Variants in CSMD1 observed in about 807,000 individuals in gnomAD.
The protein encoded by CSMD1 is CUB and sushi domain-containing protein 1.
In CSMD1, 213 loss-of-function variants were observed where a neutral mutation model predicts 417.5. The ratio of observed to expected loss-of-function variants is 0.51; its 90% CI spans 0.46 to 0.57. CSMD1 has a LOEUF of 0.57. Among genes scored for constraint, CSMD1 ranks in the 20% least tolerant of loss-of-function variants. The pLI is 0.00. For missense variants in CSMD1, 6,923 were observed against 4,529.7 expected, an observed-to-expected ratio of 1.53 and a Z score of -15.17; for synonymous variants, 2,862 against 1,736.8, an observed-to-expected ratio of 1.65 and a Z score of -16.11.
Position 3,648,558 on chromosome 8 carries a change from C to T in CSMD1, c.1010-31761G>A, listed in dbSNP as rs555451127. ...TTACTTTTTCTTTGATTTCAGAGCA[C>T]AGAAAATTGTTTTGGAACTTTGTTT... On this transcript the variant is annotated intron_variant, in intron 7 of 69. Coordinates refer to ENST00000635120, the MANE Select transcript of CSMD1 (RefSeq NM_033225.6). 1.8e-4 allele frequency among the ~76,000 whole-genome samples: 27 copies of T among 152,270 alleles called. No homozygotes were observed. The South Asian group carries it at 3.5e-3, about 20-fold the overall frequency.
At chr8:4,025,560 A>G (rs755872759) in intron 4 of CSMD1, among the ~76,000 whole-genome samples, 22 of 152,188 alleles carry the variant, frequency 1.4e-4, no homozygotes, top group African/African-American at 1.7e-4. Flanking sequence ...TCTCCCCTAG[A>G]CAGACATCAT....
chr8:4,389,058 A>G lies in CSMD1; in HGVS notation c.415+30895T>C, dbSNP rs542378860. Among the ~76,000 whole-genome samples, 99 of 152,170 alleles carry G rather than the reference A, an allele frequency of 6.5e-4. 1 individual carries two copies. Among genetic ancestry groups the G allele is most frequent in the African/African-American group, 2.1e-3 (89 of 41,492 alleles). On this transcript the variant is annotated intron_variant, in intron 3 of 69. Coordinates refer to ENST00000635120, the MANE Select transcript of CSMD1 (RefSeq NM_033225.6). ...TGCAGTTAGTCTGGTCTTATTTTAC[A>G]TTTGCTTTTCTCTTACTCTACATTA...
intron 3 of CSMD1, among the ~76,000 whole-genome samples, chr8:4,184,930 G>A (rs1043636453): frequency 1.3e-5 from 2 of 150,446 alleles, no homozygotes; most frequent in Non-Finnish European, 2.9e-5. Flanking sequence ...CTGAGGTCAG[G>A]AGTTCAAGAC....
At chr8:4,164,776 G>T (rs982320376) in intron 3 of CSMD1, among the ~76,000 whole-genome samples, 4 of 151,868 alleles carry the variant, frequency 2.6e-5, no homozygotes, top group Admixed American at 6.6e-5. Flanking sequence ...CCTGGGAGGC[G>T]GAGGCAGGAG....
intron 6 of CSMD1, among the ~76,000 whole-genome samples, chr8:3,710,966 G>A (rs1016575049): frequency 8.5e-5 from 13 of 152,226 alleles, no homozygotes; most frequent in African/African-American, 1.4e-4. Context: ...AAGCAATGCC[G>A]CCAGCTGTGC....
At chr8:4,945,900 T>A (rs1426022999) in intron 1 of CSMD1, among the ~76,000 whole-genome samples, 1 of 152,142 alleles carries the variant, frequency 6.6e-6, no homozygotes, top group Non-Finnish European at 1.5e-5. Context: ...AATAATAGCA[T>A]TCACTCGAAG....
intron 3 of CSMD1, among the ~76,000 whole-genome samples, chr8:4,078,251 A>AATT (rs1799936217): frequency 6.6e-6 from 1 of 151,782 alleles, no homozygotes; most frequent in African/African-American, 2.4e-5. Context: ...CGTATTACGT[A>AATT]ATTGCACTAT....
At chr8:3,383,225 T>C (rs919462670) in intron 18 of CSMD1, among the ~76,000 whole-genome samples, 2 of 152,230 alleles carry the variant, frequency 1.3e-5, no homozygotes, top group African/African-American at 4.8e-5. Flanking sequence ...TTCATATGTA[T>C]CACAAATCGC....
In CSMD1 at chr8:3,083,160, G is replaced by A. The variant is rs115373332; in HGVS notation, c.7474+3937C>T. On this transcript the variant is annotated intron_variant, in intron 49 of 69. Coordinates refer to ENST00000635120, the MANE Select transcript of CSMD1 (RefSeq NM_033225.6). The stretch of plus-strand genomic sequence containing the variant: ...AATTCAGGATCACATAAACGGTGAC[G>A]ATTCTTCCTTATATATTAACTCTCT... Among the ~76,000 whole-genome samples the A allele has an allele frequency of 2.8e-3, 422 of 151,980 alleles. 4 individuals carry two copies. The highest frequency in any genetic ancestry group is 9.0e-3 in the African/African-American group (374 of 41,468).
chr8:4,119,694 C>A (rs1461686571), intron 3 of CSMD1, among the ~76,000 whole-genome samples: 1 of 152,204 alleles, frequency 6.6e-6, no homozygotes, highest in East Asian at 1.9e-4. Context: ...CCTCCCAGAA[C>A]CACAGTGGGC....
chr8:3,037,078 G>C (rs1265119617), intron 50 of CSMD1, among the ~76,000 whole-genome samples: 1 of 152,124 alleles, frequency 6.6e-6, no homozygotes, highest in Non-Finnish European at 1.5e-5. Flanking sequence ...AACGATATTT[G>C]GTCTTCCATT....
Position 4,218,022 on chromosome 8 carries a change from T to C in CSMD1, c.416-185923A>G, listed in dbSNP as rs142310446. Reference sequence around the variant, plus strand: ...TCCAACCTCACAAAAAGAAAACCTATGCTTTACTGATGGGTTTCTGGCAGT... The same window carrying C: ...TCCAACCTCACAAAAAGAAAACCTACGCTTTACTGATGGGTTTCTGGCAGT... On this transcript the variant is annotated intron_variant, in intron 3 of 69. Coordinates refer to ENST00000635120, the MANE Select transcript of CSMD1 (RefSeq NM_033225.6). 1.4e-4 allele frequency among the ~76,000 whole-genome samples: 22 copies of C among 152,292 alleles called. No individual in the cohort carries two copies. The East Asian group carries it at 4.3e-3, about 29-fold the overall frequency.
chr8:4,813,466 G>A (rs774730205), intron 1 of CSMD1, among the ~76,000 whole-genome samples: 4 of 152,020 alleles, frequency 2.6e-5, no homozygotes, highest in African/African-American at 4.8e-5. Context: ...ACAACAGAAC[G>A]TATCAAAAAA....
At chr8:3,783,469 G>A (rs574448581) in intron 5 of CSMD1, among the ~76,000 whole-genome samples, 26 of 152,272 alleles carry the variant, frequency 1.7e-4, no homozygotes, top group Admixed American at 1.7e-3. Context: ...AGCATTGGCG[G>A]GCTGTGAGGC....
chr8:4,519,381 A>T (rs1209023310), intron 2 of CSMD1, among the ~76,000 whole-genome samples: 2 of 152,154 alleles, frequency 1.3e-5, no homozygotes, highest in African/African-American at 2.4e-5. Context: ...GAAAAAGTAA[A>T]CATAAAAATA....
intron 11 of CSMD1, among the ~76,000 whole-genome samples, chr8:3,487,724 C>G (rs1818138180): frequency 6.6e-6 from 1 of 152,076 alleles, no homozygotes. Context: ...CTTTTTAATG[C>G]TGAAATTAGC....
At chr8:4,028,069 C>T (rs531075350) in intron 4 of CSMD1, among the ~76,000 whole-genome samples, 1 of 151,660 alleles carries the variant, frequency 6.6e-6, no homozygotes, top group African/African-American at 2.4e-5. Flanking sequence ...GTTTTGACAA[C>T]ATAAAGATGA....
At chr8:4,114,792 G>A (rs1219508952) in intron 3 of CSMD1, among the ~76,000 whole-genome samples, 6 of 152,190 alleles carry the variant, frequency 3.9e-5, no homozygotes, top group African/African-American at 1.4e-4. Flanking sequence ...GGTACCTGCA[G>A]ATGTGGTAGA....
intron 2 of CSMD1, among the ~76,000 whole-genome samples, chr8:4,455,434 G>C (rs999789798): frequency 2.1e-4 from 32 of 152,102 alleles, no homozygotes; most frequent in Admixed American, 6.5e-5. Flanking sequence ...GCAAATGATG[G>C]AGAAATGATA....
Sources: allele counts gnomAD v4.1 joint callset (sites outside exome capture counted in the v4.1 genomes callset), GRCh38; gene constraint gnomAD v4.1.1; transcripts MANE v1.5; gene names NCBI Gene and HGNC (gene_info 2026-07-23, HGNC 2026-07-21).